The following TSKU variants were observed in gnomAD, a reference collection of about 807,000 sequenced individuals.
TSKU encodes the protein tsukushi, small leucine rich proteoglycan.
A neutral mutation model predicts 11.2 loss-of-function variants in TSKU; 4 were observed. The observed-to-expected ratio is 0.36, with a 90% CI of 0.18 to 0.82. The LOEUF (loss-of-function observed/expected upper bound fraction) is 0.82, where lower values mean the gene tolerates loss of function less well. Ranked by LOEUF, TSKU falls within the 40% of genes least tolerant of loss-of-function variation. The pLI, the probability that TSKU is intolerant of heterozygous loss-of-function variation, is 0.50. For missense variants in TSKU, 407 were observed against 482.5 expected, an observed-to-expected ratio of 0.84 and a Z score of 1.47; for synonymous variants, 220 against 232.2, an observed-to-expected ratio of 0.95 and a Z score of 0.48.
intron 1 of TSKU, among the ~76,000 whole-genome samples, chr11:76,789,608 T>C (rs1944344918): frequency 6.6e-6 from 1 of 152,230 alleles, no homozygotes; most frequent in African/African-American, 2.4e-5. Context: ...ATCCCCCAAA[T>C]CACAGATGGA....
At chr11:76,786,962 A>G (rs1944318603) in intron 1 of TSKU, among the ~76,000 whole-genome samples, 1 of 152,170 alleles carries the variant, frequency 6.6e-6, no homozygotes, top group Non-Finnish European at 1.5e-5. Flanking sequence ...CTGGTGTCAC[A>G]GCACCTTTTT....
rs892930440 is a variant in TSKU, at chr11:76,796,746, A to G, written c.*68A>G. On this transcript the variant is annotated 3_prime_UTR_variant, in exon 2 of 2. Transcript: ENST00000333090. This position sits in a 1 kb window ranked among gnomAD's most constrained non-coding sequence, Gnocchi z 4.1. ...GGCTGCCTCAGGTCCCGAGTAACTTATGTTCAATGTGCCAACACCAGTGGG... is the reference window on the plus strand; with the variant it reads ...GGCTGCCTCAGGTCCCGAGTAACTTGTGTTCAATGTGCCAACACCAGTGGG... 16 of 1,254,208 alleles carry G rather than the reference A, an allele frequency of 1.3e-5. No homozygotes were observed. The African/African-American group carries it at 2.3e-4, about 18-fold the overall frequency. 77.7% of individuals were successfully genotyped at this position (1,254,208 alleles called of 1,614,324 possible). A position where few individuals can be genotyped will look rare whatever the true frequency, so the allele number is the denominator to read the frequency against.
At chr11:76,792,528 C>T (rs902608961) in intron 1 of TSKU, 1 of 152,198 alleles carries the variant, frequency 6.6e-6, no homozygotes, top group Non-Finnish European at 1.5e-5. Flanking sequence ...CAAATCTCAA[C>T]TTGAATTGTA....
chr11:76,787,820 G>A (rs535070375), intron 1 of TSKU, among the ~76,000 whole-genome samples: 1 of 152,336 alleles, frequency 6.6e-6, no homozygotes, highest in South Asian at 2.1e-4. Flanking sequence ...AGGCAGAGTG[G>A]ATTTGGAGCT....
At chr11:76,782,996 CA>C (rs1944253573), upstream of TSKU, 1 of 152,348 alleles carries the variant, frequency 6.6e-6, no homozygotes, top group African/African-American at 2.4e-5. Context: ...CATACACAGG[CA>C]CGTACTCCGG....
intron 1 of TSKU, among the ~76,000 whole-genome samples, chr11:76,783,797 C>T (rs1446544049): frequency 2.0e-5 from 3 of 152,208 alleles, no homozygotes; most frequent in African/African-American, 7.2e-5. Flanking sequence ...TGGCTGTGGG[C>T]GTCGGTGGGC....
chr11:76,797,739 A>G lies in TSKU; in HGVS notation c.*1061A>G, dbSNP rs1944474151. The stretch of plus-strand genomic sequence containing the variant: ...GCACGACAGCCCTTCTTACCCTCCC[A>G]GGAATGCCGTGAAAGGAGACAAGGT... On this transcript the variant is annotated 3_prime_UTR_variant, in exon 2 of 2. Coordinates refer to ENST00000333090, the MANE Select transcript of TSKU (RefSeq NM_015516.4). 2 of 167,038 alleles carry G rather than the reference A, an allele frequency of 1.2e-5. No individual in the cohort carries two copies. The highest frequency in any genetic ancestry group is 2.9e-5 in the Non-Finnish European group (2 of 68,170). 10.3% of individuals were successfully genotyped at this position (167,038 alleles called of 1,614,324 possible). A position where few individuals can be genotyped will look rare whatever the true frequency, so the allele number is the denominator to read the frequency against.
Position 76,796,784 on chromosome 11 carries a change from C to G in TSKU, c.*106C>G. 1.1e-6 allele frequency: 1 copy of G among 885,368 alleles called. No individual in the cohort carries two copies. Among genetic ancestry groups the G allele is most frequent in the Non-Finnish European group, 1.6e-6 (1 of 631,270 alleles). 54.8% of individuals were successfully genotyped at this position (885,368 alleles called of 1,614,324 possible). A position where few individuals can be genotyped will look rare whatever the true frequency, so the allele number is the denominator to read the frequency against. On this transcript the variant is annotated 3_prime_UTR_variant, in exon 2 of 2. Coordinates refer to ENST00000333090, the MANE Select transcript of TSKU (RefSeq NM_015516.4). The surrounding 1 kb of genome is among the most constrained non-coding windows in gnomAD (Gnocchi z 4.1). ...CAACACCAGTGGGGAGCCCGCAGGCCTATGTGGCAGCGTCACCACAGGAGT... is the reference window on the plus strand; with the variant it reads ...CAACACCAGTGGGGAGCCCGCAGGCGTATGTGGCAGCGTCACCACAGGAGT...
rs539056413 is a variant in TSKU at position 76,785,335 on chromosome 11, A to G, written c.-9+1931A>G. Among the ~76,000 whole-genome samples the G allele has an allele frequency of 7.9e-5, 12 of 152,336 alleles. 1 individual carries two copies. In the East Asian group the frequency reaches 2.1e-3, roughly 27 times the overall value. The stretch of plus-strand genomic sequence containing the variant: ...TAAGAGTTCATGCTTCAGTTTTCAG[A>G]GCAAGGCTGGCCTGGGCACTGAGGA... On this transcript the variant is annotated intron_variant, in intron 1 of 1. Coordinates refer to ENST00000333090, the MANE Select transcript of TSKU (RefSeq NM_015516.4).
At chr11:76,790,878 G>A (rs1219498423) in intron 1 of TSKU, among the ~76,000 whole-genome samples, 1 of 152,182 alleles carries the variant, frequency 6.6e-6, no homozygotes, top group Non-Finnish European at 1.5e-5. Flanking sequence ...TGGGTAACAA[G>A]CAGAGGTTGG....
rs538570248 is a variant in TSKU at position 76,797,099 on chromosome 11, G to C, written c.*421G>C. ...GCCCATGGCCCAGTCACTCAGGGGC[G>C]AGTTTCTTTTCTAACATAGCCCTTT... is the stretch of plus-strand genomic sequence containing the variant. On this transcript the variant is annotated 3_prime_UTR_variant, in exon 2 of 2. Coordinates refer to ENST00000333090, the MANE Select transcript of TSKU (RefSeq NM_015516.4). 1 of 178,384 alleles carries C rather than the reference G, an allele frequency of 5.6e-6. No individual in the cohort carries two copies. The highest frequency in any genetic ancestry group is 2.0e-4 in the South Asian group (1 of 4,926). The allele number at this position is 178,384 out of a possible 1,614,324, so 11.1% of individuals were successfully genotyped here.
chr11:76,784,757 GGGT>G (rs201387597), intron 1 of TSKU, among the ~76,000 whole-genome samples: 4,652 of 142,572 alleles, frequency 0.033, 450 homozygotes, highest in African/African-American at 0.11. Context: ...GGGGGGGGGG[GGGT>G]GCTCAGAGCT....
At position 76,797,423 on chromosome 11, in the gene TSKU, G is replaced by T. The variant is rs749970899; in HGVS notation, c.*745G>T. ...GTTCCCCATTAGCACAGGAGTAGCA[G>T]CAGCAGGACAGGCAAGAGCCTCACA... On this transcript the variant is annotated 3_prime_UTR_variant, in exon 2 of 2. Coordinates refer to ENST00000333090, the MANE Select transcript of TSKU (RefSeq NM_015516.4). 4 of 167,174 alleles carry T rather than the reference G, an allele frequency of 2.4e-5. No individual in the cohort carries two copies. Among genetic ancestry groups the T allele is most frequent in the Non-Finnish European group, 5.9e-5 (4 of 68,192 alleles). The allele number at this position is 167,174 out of a possible 1,614,324, so 10.4% of individuals were successfully genotyped here. A position where few individuals can be genotyped will look rare whatever the true frequency, so the allele number is the denominator to read the frequency against.
At position 76,795,836 on chromosome 11, in the gene TSKU, A is replaced by T; in HGVS notation, c.220A>T (p.Asn74Tyr). The T allele has an allele frequency of 6.2e-7, 1 of 1,613,832 alleles. No individual in the cohort carries two copies. The highest frequency in any genetic ancestry group is 1.1e-5 in the South Asian group (1 of 91,056). The change falls in exon 2 of 2, where the codon AAT becomes TAT. Residue 74 changes from asparagine to tyrosine, a missense_variant. Transcript: ENST00000333090. Reference protein sequence around the residue: ...DLSSNRLEMVNESVLAGPGYT... With the variant: ...DLSSNRLEMVYESVLAGPGYT... ...GTCCTCCAACCGGCTGGAGATGGTG[A>T]ATGAGTCGGTGTTGGCGGGGCCGGG...
At position 76,796,686 on chromosome 11, in the gene TSKU, T is replaced by C. The variant is rs540359313; in HGVS notation, c.*8T>C. 7 of 1,447,840 alleles carry C rather than the reference T, an allele frequency of 4.8e-6. No individual in the cohort carries two copies. The African/African-American group carries it at 1.0e-4, about 21-fold the overall frequency. The allele number at this position is 1,447,840 out of a possible 1,614,324, so 89.7% of individuals were successfully genotyped here. ...GGCCCCACCATCTTGTGACAAATGG[T>C]GTGGCCCAGGGCCACATAACAGACT... On this transcript the variant is annotated 3_prime_UTR_variant, in exon 2 of 2. Coordinates refer to ENST00000333090, the MANE Select transcript of TSKU (RefSeq NM_015516.4). The surrounding 1 kb of genome is among the most constrained non-coding windows in gnomAD (Gnocchi z 4.1).
At chr11:76,783,639 C>T (rs952164928) in intron 1 of TSKU, among the ~76,000 whole-genome samples, 2 of 152,148 alleles carry the variant, frequency 1.3e-5, no homozygotes, top group African/African-American at 4.8e-5. Context: ...GCCCAGGGGC[C>T]GTGTGGGTCT....
Position 76,796,655 on chromosome 11 carries a change from G to C in TSKU, c.1039G>C (p.Ala347Pro). 1 of 1,450,134 alleles carries C rather than the reference G, an allele frequency of 6.9e-7. No homozygotes were observed. The highest frequency in any genetic ancestry group is 1.4e-5 in the African/African-American group (1 of 69,818). 89.8% of individuals were successfully genotyped at this position (1,450,134 alleles called of 1,614,324 possible). Reference protein sequence around the residue: ...LHCVDTRDSAARGPTIL With the variant: ...LHCVDTRDSAPRGPTIL ...CTGCGTAGACACCCGGGATTCTGCT[G>C]CCAGGGGCCCCACCATCTTGTGACA... Residue 347 changes from alanine (A) to proline (P), a missense_variant, in exon 2 of 2, where the codon GCC (alanine) becomes CCC (proline). Physicochemically the swap from Ala to Pro is conservative, Grantham distance 27. Coordinates refer to ENST00000333090, the MANE Select transcript of TSKU (RefSeq NM_015516.4). This position sits in a 1 kb window ranked among gnomAD's most constrained non-coding sequence, Gnocchi z 4.1.
intron 1 of TSKU, among the ~76,000 whole-genome samples, chr11:76,789,806 G>A (rs1450576084): frequency 1.3e-5 from 2 of 152,138 alleles, no homozygotes; most frequent in Non-Finnish European, 2.9e-5. Context: ...TAGAGTACGG[G>A]TCCCAGAGGG....
chr11:76,788,108 G>A (rs1312114057), intron 1 of TSKU, among the ~76,000 whole-genome samples: 2 of 152,154 alleles, frequency 1.3e-5, no homozygotes, highest in African/African-American at 4.8e-5. Context: ...AGGGCAGGAC[G>A]TTTCTGAACC....
Sources: gnomAD v4.1 joint callset for allele counts (sites outside exome capture counted in the v4.1 genomes callset) on GRCh38, gnomAD v4.1.1 for gene constraint, Gnocchi (gnomAD v3.1) non-coding constraint, MANE v1.5 for transcripts, NCBI Gene and HGNC (gene_info 2026-07-23, HGNC 2026-07-21) for gene names.